The following EYA1 variants were observed in gnomAD, a reference collection of about 807,000 sequenced individuals.
The protein encoded by EYA1 is EYA transcriptional coactivator and phosphatase 1, also known as protein phosphatase EYA1.
A neutral mutation model predicts 82.0 loss-of-function variants in EYA1; 16 were observed. The ratio of observed to expected loss-of-function variants is 0.20; its 90% CI spans 0.13 to 0.30. EYA1 has a LOEUF of 0.30. Among genes scored for constraint, EYA1 ranks in the 10% least tolerant of loss-of-function variants. EYA1 has a pLI of 1.00. For synonymous variants in EYA1, 261 were observed against 264.4 expected (o/e 0.99, Z 0.12); for missense variants, 633 against 730.7 (o/e 0.87, Z 1.54).
At chr8:71,484,275 C>A (rs1172962135) in intron 2 of EYA1, among the ~76,000 whole-genome samples, 1 of 152,142 alleles carries the variant, frequency 6.6e-6, no homozygotes, top group Non-Finnish European at 1.5e-5. Flanking sequence ...ACAAGAGAAG[C>A]AGAACATTGG....
intron 2 of EYA1, among the ~76,000 whole-genome samples, chr8:71,436,387 T>C (rs190974598): frequency 1.3e-5 from 2 of 152,282 alleles, no homozygotes; most frequent in East Asian, 1.9e-4. Context: ...GGTATACTTA[T>C]ACCATGCCAT....
chr8:71,264,893 T>G (rs899329730), intron 11 of EYA1, among the ~76,000 whole-genome samples: 4 of 152,296 alleles, frequency 2.6e-5, no homozygotes, highest in African/African-American at 9.6e-5. Context: ...AAATTCATGA[T>G]ACAATTTAAT....
At chr8:71,286,413 T>A (rs941049412) in intron 9 of EYA1, among the ~76,000 whole-genome samples, 33 of 152,190 alleles carry the variant, frequency 2.2e-4, no homozygotes, top group African/African-American at 7.7e-4. Flanking sequence ...GAATCAGGCA[T>A]CTTGTTTAAG....
chr8:71,350,317 A>G (rs1826177903), intron 3 of EYA1, among the ~76,000 whole-genome samples: 2 of 152,332 alleles, frequency 1.3e-5, no homozygotes, highest in Middle Eastern at 3.4e-3. Flanking sequence ...ATTTTACAAA[A>G]TTAAAATTAC....
chr8:71,360,300 T>A (rs1827260109), intron 1 of EYA1, among the ~76,000 whole-genome samples: 1 of 152,246 alleles, frequency 6.6e-6, no homozygotes, highest in Non-Finnish European at 1.5e-5. Context: ...CTTAAAATGT[T>A]GAATGAAATA....
chr8:71,342,358 A>G (rs1179591834), intron 3 of EYA1, among the ~76,000 whole-genome samples: 1 of 152,156 alleles, frequency 6.6e-6, no homozygotes, highest in Non-Finnish European at 1.5e-5. Flanking sequence ...CTCCCAAACT[A>G]TCCTACCTTT....
intron 2 of EYA1, among the ~76,000 whole-genome samples, chr8:71,478,711 G>A (rs1279700698): frequency 6.6e-6 from 1 of 152,152 alleles, no homozygotes; most frequent in Non-Finnish European, 1.5e-5. Flanking sequence ...TGGGCCCTTA[G>A]CATGCTCACA....
At chr8:71,223,821 C>T (rs1810243455) in intron 12 of EYA1, among the ~76,000 whole-genome samples, 1 of 152,190 alleles carries the variant, frequency 6.6e-6, no homozygotes, top group African/African-American at 2.4e-5. Context: ...TACAGAGGCT[C>T]ATATGCAAAA....
chr8:71,273,039 C>A (rs1816734921), intron 9 of EYA1, among the ~76,000 whole-genome samples: 1 of 152,202 alleles, frequency 6.6e-6, no homozygotes, highest in Non-Finnish European at 1.5e-5. Context: ...AGAATTACCT[C>A]CACGCTTAAG....
At chr8:71,292,699 T>A (rs1352585390) in intron 9 of EYA1, among the ~76,000 whole-genome samples, 1 of 151,902 alleles carries the variant, frequency 6.6e-6, no homozygotes, top group African/African-American at 2.4e-5. Context: ...AAGGGAGGAT[T>A]CCAGTGGTAA....
chr8:71,233,382 G>A (rs1041031161), intron 12 of EYA1, among the ~76,000 whole-genome samples: 47 of 152,098 alleles, frequency 3.1e-4, no homozygotes, highest in Non-Finnish European at 3.4e-4. Context: ...GGCTAACACA[G>A]TGAAACCCCG....
intron 2 of EYA1, among the ~76,000 whole-genome samples, chr8:71,496,957 T>C (rs1338056590): frequency 6.7e-6 from 1 of 148,746 alleles, no homozygotes; most frequent in Non-Finnish European, 1.5e-5. Context: ...TGCAATCATA[T>C]GACCCCAAAA....
chr8:71,315,461 T>A (rs1821818612), intron 7 of EYA1, among the ~76,000 whole-genome samples: 1 of 152,188 alleles, frequency 6.6e-6, no homozygotes, highest in Non-Finnish European at 1.5e-5. Flanking sequence ...CCACTTCTCC[T>A]CAAGGAGACC....
At chr8:71,454,674 G>T (rs1426866513) in intron 2 of EYA1, among the ~76,000 whole-genome samples, 1 of 152,316 alleles carries the variant, frequency 6.6e-6, no homozygotes, top group East Asian at 1.9e-4. Flanking sequence ...TGACTACTGG[G>T]TACATACTGA....
At chr8:71,364,939 C>CATATATATATATAT (rs34890892), upstream of EYA1, among the ~76,000 whole-genome samples, 2 of 88,174 alleles carry the variant, frequency 2.3e-5, no homozygotes, top group Non-Finnish European at 4.3e-5. Flanking sequence ...AAGCAAATGT[C>CATATATATATATAT]ATATATATAT....
In EYA1 at chr8:71,511,217, A is replaced by G. The variant is rs567923655; in HGVS notation, c.33+24527T>C. Reference sequence around the variant, plus strand: ...CATCCCTGTGCAGACTGAACTTACAAATTTGTCAATCTATTCCTTCATTTT... The same window carrying G: ...CATCCCTGTGCAGACTGAACTTACAGATTTGTCAATCTATTCCTTCATTTT... On this transcript the variant is annotated intron_variant, in intron 2 of 18. Transcript: ENST00000643681. Among the ~76,000 whole-genome samples, 6 of 152,308 alleles carry G rather than the reference A, an allele frequency of 3.9e-5. No homozygotes were observed. The South Asian group carries it at 1.2e-3, about 32-fold the overall frequency.
intron 16 of EYA1, among the ~76,000 whole-genome samples, 154 bp from the exon 17 acceptor site, chr8:71,211,410 A>T (rs537148805): frequency 6.6e-6 from 1 of 152,372 alleles, no homozygotes; most frequent in Non-Finnish European, 1.5e-5. Flanking sequence ...CTTGGGTTGT[A>T]TGTGCCACAG....
chr8:71,461,430 C>T (rs1026965673), intron 2 of EYA1, among the ~76,000 whole-genome samples: 1 of 152,154 alleles, frequency 6.6e-6, no homozygotes, highest in East Asian at 1.9e-4. Context: ...AGGCACACCA[C>T]AAGCAGCTTC....
intron 2 of EYA1, among the ~76,000 whole-genome samples, chr8:71,454,632 A>G (rs1807720359): frequency 6.6e-6 from 1 of 152,234 alleles, no homozygotes; most frequent in Non-Finnish European, 1.5e-5. Flanking sequence ...AAACCGCTCA[A>G]CTACATGGAA....
Sources: allele counts gnomAD v4.1 joint callset (sites outside exome capture counted in the v4.1 genomes callset), GRCh38; gene constraint gnomAD v4.1.1; transcripts MANE v1.5; gene names NCBI Gene and HGNC (gene_info 2026-07-23, HGNC 2026-07-21).